DNM1L: variants seen among roughly 807,000 people sequenced by gnomAD.
The protein encoded by DNM1L is dynamin 1L.
A neutral mutation model predicts 92.8 loss-of-function variants in DNM1L; 33 were observed. The observed-to-expected ratio is 0.36, with a 90% confidence interval of 0.27 to 0.48. DNM1L has a LOEUF of 0.48. Among genes scored for constraint, DNM1L ranks in the 20% least tolerant of loss-of-function variants. The pLI, the probability that DNM1L is intolerant of heterozygous loss-of-function variation, is 0.99. For synonymous variants in DNM1L, 284 were observed against 305.0 expected (o/e 0.93, Z 0.72); for missense variants, 485 against 888.8 (o/e 0.55, Z 5.78).
At position 32,745,438 on chromosome 12, in the gene DNM1L, C is replaced by T. The variant is rs1955587947; in HGVS notation, c.*2028C>T. The T allele has an allele frequency of 6.4e-6, 1 of 156,630 alleles. No individual in the cohort carries two copies. Among genetic ancestry groups the T allele is most frequent in the African/African-American group, 2.4e-5 (1 of 41,448 alleles). 9.7% of individuals were successfully genotyped at this position (156,630 alleles called of 1,614,324 possible). On this transcript the variant is annotated 3_prime_UTR_variant, in exon 20 of 20. Coordinates refer to ENST00000549701, the MANE Select transcript of DNM1L (RefSeq NM_012062.5). ...GCAAGAAACAACGGAAAGAGAAAAG[C>T]CTTCCTTTGTTGGCCCTTAAACTGA...
In DNM1L at chr12:32,701,475, A is replaced by G; in HGVS notation, c.163A>G (p.Thr55Ala). 3 of 1,613,608 alleles carry G rather than the reference A, an allele frequency of 1.9e-6. No homozygotes were observed. The South Asian group carries it at 3.3e-5, about 18-fold the overall frequency. The change falls in exon 2 of 20, where the codon ACT becomes GCT. Residue 55 changes from threonine (T) to alanine (A), a missense_variant. By Grantham distance (58) the Thr-to-Ala change is moderately conservative (BLOSUM62 0). Coordinates refer to ENST00000549701, the MANE Select transcript of DNM1L (RefSeq NM_012062.5). ...LVGRDLLPRG[T>A]GIVTRRPLIL... is the part of the protein sequence containing the mutation. ...GGGGAGGGACCTGCTTCCCAGAGGTACTGGAATTGTCACCCGGAGACCTCT... is the reference window on the plus strand; with the variant it reads ...GGGGAGGGACCTGCTTCCCAGAGGTGCTGGAATTGTCACCCGGAGACCTCT...
chr12:32,679,933 C>G, intron 1 of DNM1L: 1 of 985,892 alleles, frequency 1.0e-6, no homozygotes, highest in Non-Finnish European at 1.2e-6. Flanking sequence ...TTGCCTTGCC[C>G]AGGGACTGCG....
At chr12:32,729,796 A>G (rs79472321) in intron 9 of DNM1L, among the ~76,000 whole-genome samples, 2,783 of 152,206 alleles carry the variant, frequency 0.018, 90 homozygotes, top group African/African-American at 0.064. Context: ...CCTATTGTAG[A>G]TATTTCATAT....
At chr12:32,728,530 A>G (rs1408634450) in intron 9 of DNM1L, 5 of 152,208 alleles carry the variant, frequency 3.3e-5, no homozygotes, top group African/African-American at 1.2e-4. Context: ...TAATAAACCA[A>G]TTATCTGTGT....
intron 9 of DNM1L, chr12:32,726,471 GCTT>G (rs1565528542): frequency 4.3e-6 from 5 of 1,167,124 alleles, no homozygotes; most frequent in East Asian, 2.3e-5. Context: ...TTCCTCATCT[GCTT>G]CTTCACCTTC....
chr12:32,699,026 A>C (rs61237531), intron 1 of DNM1L, among the ~76,000 whole-genome samples: 1,895 of 152,214 alleles, frequency 0.012, 39 homozygotes, highest in African/African-American at 0.035. Flanking sequence ...TCTCTTAAAA[A>C]AAAAAAAAAT....
chr12:32,743,781 C>T lies in DNM1L; in HGVS notation c.*371C>T. The T allele has an allele frequency of 4.1e-6, 1 of 246,010 alleles. No homozygotes were observed. Among genetic ancestry groups the T allele is most frequent in the Admixed American group, 5.0e-5 (1 of 20,072 alleles). The allele number at this position is 246,010 out of a possible 1,614,324, so 15.2% of individuals were successfully genotyped here. On this transcript the variant is annotated 3_prime_UTR_variant, in exon 20 of 20. Transcript: ENST00000549701. ...GTCTTAAAGCTGCTGCCATAGTCCTCCAAGAAGAAAGCACCAAGACAACAT... is the reference window on the plus strand; with the variant it reads ...GTCTTAAAGCTGCTGCCATAGTCCTTCAAGAAGAAAGCACCAAGACAACAT...
chr12:32,694,114 C>T (rs1206229985), intron 1 of DNM1L, among the ~76,000 whole-genome samples: 7 of 152,156 alleles, frequency 4.6e-5, no homozygotes, highest in Non-Finnish European at 7.3e-5. Context: ...GATGGAGTCT[C>T]GCCCTGTTGC....
intron 1 of DNM1L, among the ~76,000 whole-genome samples, chr12:32,690,373 C>T (rs189188100): frequency 1.3e-4 from 20 of 152,158 alleles, no homozygotes; most frequent in Admixed American, 4.6e-4. Context: ...AACCCTTAAC[C>T]CATATTCCCA....
At chr12:32,737,777 A>G in intron 14 of DNM1L, 88 bp from the exon 15 acceptor site, 1 of 993,998 alleles carries the variant, frequency 1.0e-6, no homozygotes, top group African/African-American at 1.6e-5. Context: ...CGATTTCATT[A>G]CAGAAGGGAA....
intron 16 of DNM1L, 137 bp downstream of exon 16, chr12:32,738,433 TC>T (rs1457291847): frequency 2.1e-6 from 2 of 939,046 alleles, no homozygotes; most frequent in Non-Finnish European, 3.3e-6. Flanking sequence ...GTTCCTTTTA[TC>T]TAACCTGTGG....
chr12:32,680,521 T>C (rs778418218), intron 1 of DNM1L, among the ~76,000 whole-genome samples: 14 of 152,212 alleles, frequency 9.2e-5, no homozygotes, highest in Non-Finnish European at 2.1e-4. Context: ...CTCGTTTGTT[T>C]GTTTGTTTGT....
chr12:32,723,909 A>G (rs1953938292), intron 9 of DNM1L, among the ~76,000 whole-genome samples: 1 of 152,184 alleles, frequency 6.6e-6, no homozygotes, highest in African/African-American at 2.4e-5. Context: ...ATTACAAACA[A>G]TGTGTTCACA....
intron 6 of DNM1L, among the ~76,000 whole-genome samples, chr12:32,713,728 C>T (rs1220511207): frequency 6.6e-6 from 1 of 151,804 alleles, no homozygotes; most frequent in East Asian, 1.9e-4. Flanking sequence ...GCCTGCCGTC[C>T]CAGCTACTCA....
At chr12:32,711,431 A>C (rs536291884) in intron 5 of DNM1L, among the ~76,000 whole-genome samples, 32 of 152,008 alleles carry the variant, frequency 2.1e-4, no homozygotes, top group Admixed American at 8.5e-4. Context: ...GCTATTCGAC[A>C]TATACACTTA....
rs759258739 is a variant in DNM1L, at chr12:32,738,329, T to C, written c.1707+33T>C. The C allele has an allele frequency of 4.3e-6, 7 of 1,612,670 alleles. No individual in the cohort carries two copies. The Admixed American group carries it at 1.2e-4, about 27-fold the overall frequency. ...TCTTGCTTCAGAATGGAAATGTTGG[T>C]ACCTTTGGTTCTCACTGAAACACTG... On this transcript the variant is annotated intron_variant, in intron 16 of 19. Coordinates refer to ENST00000549701, the MANE Select transcript of DNM1L (RefSeq NM_012062.5).
intron 2 of DNM1L, among the ~76,000 whole-genome samples, chr12:32,704,272 G>A (rs1026113369): frequency 5.9e-5 from 9 of 152,006 alleles, no homozygotes; most frequent in South Asian, 2.1e-4. Flanking sequence ...AACATAGGCC[G>A]GGCGCGGTGG....
chr12:32,683,661 C>T (rs948790190), intron 1 of DNM1L, among the ~76,000 whole-genome samples: 1 of 152,192 alleles, frequency 6.6e-6, no homozygotes, highest in Non-Finnish European at 1.5e-5. Context: ...TCTCCTGCCT[C>T]AGCCTCCTGA....
At chr12:32,742,888 C>CTTTTTTT (rs36039451) in intron 19 of DNM1L, 140 bp downstream of exon 19, 40 of 248,716 alleles carry the variant, frequency 1.6e-4, no homozygotes, top group African/African-American at 1.3e-3. Flanking sequence ...TGATAAGAAT[C>CTTTTTTT]TTTTTTTTTT....
Sources: gnomAD v4.1 joint callset for allele counts (sites outside exome capture counted in the v4.1 genomes callset) on GRCh38, gnomAD v4.1.1 for gene constraint, MANE v1.5 for transcripts, NCBI Gene and HGNC (gene_info 2026-07-23, HGNC 2026-07-21) for gene names.